Variants in AKAP12 observed in about 807,000 individuals in gnomAD.
AKAP12 encodes the protein A-kinase anchoring protein 12, also known as A-kinase anchor protein 12.
AKAP12 carries 32 observed loss-of-function variants against 79.9 expected under a neutral mutation model. That is an observed-to-expected ratio of 0.40 (90% confidence interval 0.30 to 0.54). The LOEUF is 0.54. Ranked by LOEUF, AKAP12 falls within the 20% of genes least tolerant of loss-of-function variation. The pLI is 0.48. For missense variants in AKAP12, 2,074 were observed against 2,177.0 expected (o/e 0.95, Z 0.94); for synonymous variants, 808 against 857.0 (o/e 0.94, Z 1.00).
chr6:151,248,802 A>G (rs976150650), intron 2 of AKAP12, among the ~76,000 whole-genome samples: 1 of 152,146 alleles, frequency 6.6e-6, no homozygotes, highest in Admixed American at 6.5e-5. Flanking sequence ...AGCCTGGCCA[A>G]CATGGTGAAA....
intron 3 of AKAP12, chr6:151,324,093 C>G: frequency 1.0e-6 from 1 of 985,354 alleles, no homozygotes; most frequent in Non-Finnish European, 1.2e-6. Context: ...GAAGGATGGT[C>G]AGTACCAGCA....
chr6:151,323,424 G>C (rs566033815), intron 3 of AKAP12, among the ~76,000 whole-genome samples: 1 of 152,018 alleles, frequency 6.6e-6, no homozygotes, highest in African/African-American at 2.4e-5. Context: ...GGTGGCATGC[G>C]CCTGTAATCC....
At chr6:151,329,554 A>G (rs1777617416) in intron 3 of AKAP12, among the ~76,000 whole-genome samples, 3 of 152,212 alleles carry the variant, frequency 2.0e-5, no homozygotes, top group Non-Finnish European at 4.4e-5. Flanking sequence ...GGAAGAATCA[A>G]TCCTCCAACG....
chr6:151,316,295 T>C (rs1465487327), intron 3 of AKAP12, among the ~76,000 whole-genome samples: 2 of 152,202 alleles, frequency 1.3e-5, no homozygotes, highest in Non-Finnish European at 2.9e-5. Flanking sequence ...AAAAGTGCTA[T>C]GTGCTAGATT....
chr6:151,322,819 T>C (rs934738513), intron 3 of AKAP12, among the ~76,000 whole-genome samples: 68 of 150,822 alleles, frequency 4.5e-4, no homozygotes, highest in African/African-American at 1.6e-3. Context: ...TTTAGATCCC[T>C]GGGTGTTTTG....
intron 2 of AKAP12, among the ~76,000 whole-genome samples, chr6:151,257,085 G>T (rs745960821): frequency 6.6e-6 from 1 of 152,064 alleles, no homozygotes; most frequent in African/African-American, 2.4e-5. Flanking sequence ...TTCAGGGGAT[G>T]CATGTGCAGG....
At chr6:151,327,681 C>G (rs985134014) in intron 3 of AKAP12, among the ~76,000 whole-genome samples, 1 of 152,146 alleles carries the variant, frequency 6.6e-6, no homozygotes, top group African/African-American at 2.4e-5. Flanking sequence ...TAATAGTTGG[C>G]TCAGATAATC....
Position 151,353,054 on chromosome 6 carries a change from C to G in AKAP12, c.4663C>G (p.Gln1555Glu). The G allele has an allele frequency of 6.2e-7, 1 of 1,614,182 alleles. No individual in the cohort carries two copies. Among genetic ancestry groups the G allele is most frequent in the Non-Finnish European group, 8.5e-7 (1 of 1,180,040 alleles). The change falls in exon 4 of 5, where the codon CAG (glutamine) becomes GAG (glutamate). Residue 1555 changes from glutamine (Q) to glutamate (E), a missense_variant. This residue lies in a region of AKAP12 where 614 missense variants were observed against 665.6 expected (regional missense o/e 0.92). Transcript: ENST00000402676. ...CAGTAAACTTGTCCAAAACATCATCCAGACAGCCGTTGACCAGTTTGTACG... is the reference window on the plus strand; with the variant it reads ...CAGTAAACTTGTCCAAAACATCATCGAGACAGCCGTTGACCAGTTTGTACG... ...KSSKLVQNII[Q>E]TAVDQFVRTE...
intron 2 of AKAP12, among the ~76,000 whole-genome samples, chr6:151,285,715 A>G (rs1011652769): frequency 6.6e-6 from 1 of 152,156 alleles, no homozygotes; most frequent in Non-Finnish European, 1.5e-5. Flanking sequence ...TCATTTGTAC[A>G]GTTTGATGAA....
rs753950821 is a variant in AKAP12 at position 151,349,211 on chromosome 6, G to C, written c.820G>C (p.Glu274Gln). The C allele has an allele frequency of 1.2e-6, 2 of 1,613,856 alleles. No homozygotes were observed. The highest frequency in any genetic ancestry group is 3.3e-5 in the Admixed American group (2 of 59,976). Residue 274 changes from glutamate to glutamine, a missense_variant, in exon 4 of 5, where the codon GAA becomes CAA. Glu to Gln is a conservative substitution (Grantham distance 29, BLOSUM62 2). Transcript: ENST00000402676. ...CAAAGAGGAAGGAGAAGAGAAACAA[G>C]AAAAAGAACCTAGCAAGTCTGCAGA... Reference protein sequence around the residue: ...ECKEEGEEKQEKEPSKSAESP... With the variant: ...ECKEEGEEKQQKEPSKSAESP...
intron 2 of AKAP12, among the ~76,000 whole-genome samples, chr6:151,248,051 T>A (rs1797109806): frequency 6.6e-6 from 1 of 151,794 alleles, no homozygotes; most frequent in Non-Finnish European, 1.5e-5. Flanking sequence ...AAACCAAAAT[T>A]TAAGAAGGAG....
intron 3 of AKAP12, among the ~76,000 whole-genome samples, chr6:151,318,244 A>T (rs998998091): frequency 8.5e-5 from 13 of 152,172 alleles, no homozygotes; most frequent in African/African-American, 2.9e-4. Flanking sequence ...TGGCCTCCTG[A>T]TCTCTGACTT....
At chr6:151,284,940 A>G (rs890003165) in intron 2 of AKAP12, among the ~76,000 whole-genome samples, 4 of 152,220 alleles carry the variant, frequency 2.6e-5, no homozygotes, top group African/African-American at 9.6e-5. Flanking sequence ...TTGCAAAATG[A>G]TGAACATTCA....
rs753018835 is a variant in AKAP12, at chr6:151,353,098, C to T, written c.4707C>T (p.Thr1569=). 8.1e-6 allele frequency: 13 copies of T among 1,614,018 alleles called. No individual in the cohort carries two copies. Among genetic ancestry groups the T allele is most frequent in the East Asian group, 2.2e-5 (1 of 44,886 alleles). Reference sequence around the variant, plus strand: ...TTGTACGTACAGAAGAAACAGCCACCGAAATGTTGACGTCTGAGTTACAGA... The same window carrying T: ...TTGTACGTACAGAAGAAACAGCCACTGAAATGTTGACGTCTGAGTTACAGA... The part of the protein sequence containing the change: ...DQFVRTEETA[T]EMLTSELQTQ... The change falls in exon 4 of 5, where the codon ACC becomes ACT. Residue 1569 remains threonine, a synonymous_variant. Coordinates refer to ENST00000402676, the MANE Select transcript of AKAP12 (RefSeq NM_005100.4).
intron 2 of AKAP12, among the ~76,000 whole-genome samples, 200 bp downstream of exon 2, chr6:151,240,924 C>T (rs1433811986): frequency 6.6e-6 from 1 of 152,170 alleles, no homozygotes; most frequent in South Asian, 2.1e-4. Context: ...GCGGCGAGCG[C>T]GGCGGGGGGC....
chr6:151,251,703 A>C (rs1797177889), intron 2 of AKAP12, among the ~76,000 whole-genome samples: 1 of 152,240 alleles, frequency 6.6e-6, no homozygotes, highest in South Asian at 2.1e-4. Context: ...CTTTAAAGTA[A>C]TGCAGAGGTT....
intron 3 of AKAP12, among the ~76,000 whole-genome samples, chr6:151,345,355 G>A (rs1218678613): frequency 3.9e-5 from 6 of 152,140 alleles, no homozygotes; most frequent in Middle Eastern, 3.4e-3. Flanking sequence ...GATTACAGGC[G>A]TGAGCCACCG....
At chr6:151,270,821 G>A (rs1370841784) in intron 2 of AKAP12, among the ~76,000 whole-genome samples, 2 of 151,954 alleles carry the variant, frequency 1.3e-5, no homozygotes, top group African/African-American at 4.8e-5. Context: ...ATATCTGGTA[G>A]TCTCGTATGC....
At chr6:151,344,212 A>G (rs1258040806) in intron 3 of AKAP12, among the ~76,000 whole-genome samples, 1 of 152,126 alleles carries the variant, frequency 6.6e-6, no homozygotes, top group Non-Finnish European at 1.5e-5. Flanking sequence ...TCAGAGGTAA[A>G]ACTAAAATGT....
Sources: gnomAD v4.1 joint callset for allele counts (sites outside exome capture counted in the v4.1 genomes callset) on GRCh38, gnomAD v4.1.1 for gene constraint, gnomAD v4.1.1 regional missense constraint, MANE v1.5 for transcripts, NCBI Gene and HGNC (gene_info 2026-07-23, HGNC 2026-07-21) for gene names.